FCHO1: variants seen among roughly 807,000 people sequenced by gnomAD.
FCHO1 encodes F-BAR domain only protein 1.
FCHO1 carries 45 observed loss-of-function variants against 114.4 expected under a neutral mutation model. That is an observed-to-expected ratio of 0.39 (90% CI 0.31 to 0.50). The LOEUF (loss-of-function observed/expected upper bound fraction) is 0.50. FCHO1 is among the 20% of genes least tolerant of loss of function. The probability of loss-of-function intolerance (pLI) is 0.77; values close to 1 mark genes in which losing one functional copy is unlikely to be tolerated. For synonymous variants in FCHO1, 480 were observed against 488.9 expected (o/e 0.98, Z 0.24); for missense variants, 1,042 against 1,209.6 (o/e 0.86, Z 2.06).
Position 17,776,513 on chromosome 19 carries a change from T to C in FCHO1, c.1208-122T>C. ...GCTTAGGCTTGAATCCATGTCTGCCTGATTTGCTGATCACCTTGGGCAACT... is the reference window on the plus strand; with the variant it reads ...GCTTAGGCTTGAATCCATGTCTGCCCGATTTGCTGATCACCTTGGGCAACT... On this transcript the variant is annotated intron_variant, in intron 17 of 28. Coordinates refer to ENST00000596536, the MANE Select transcript of FCHO1 (RefSeq NM_015122.3). This position sits in a 1 kb window ranked among gnomAD's most constrained non-coding sequence, Gnocchi z 4.4. 8.5e-7 allele frequency: 1 copy of C among 1,175,852 alleles called. No individual in the cohort carries two copies. Among genetic ancestry groups the C allele is most frequent in the Non-Finnish European group, 1.3e-6 (1 of 790,308 alleles). 72.8% of individuals were successfully genotyped at this position (1,175,852 alleles called of 1,614,324 possible). A position where few individuals can be genotyped will look rare whatever the true frequency, so the allele number is the denominator to read the frequency against.
rs756896191 is a variant in FCHO1, at chr19:17,784,238, G to A, written c.2226+3G>A. 1.3e-6 allele frequency: 2 copies of A among 1,598,486 alleles called. No individual in the cohort carries two copies. The highest frequency in any genetic ancestry group is 1.7e-6 in the Non-Finnish European group (2 of 1,172,862). On this transcript the variant is annotated splice_donor_region_variant and intron_variant, in intron 25 of 28. Coordinates refer to ENST00000596536, the MANE Select transcript of FCHO1 (RefSeq NM_015122.3). This position sits in a 1 kb window ranked among gnomAD's most constrained non-coding sequence, Gnocchi z 5.3. ...ACGTGGTGCTGCTGCGATACCAGGT[G>A]CGCCACCCGCATGGGGCCGGGAGGA...
At chr19:17,782,499 CA>C (rs1457602292) in intron 23 of FCHO1, among the ~76,000 whole-genome samples, 6 of 152,138 alleles carry the variant, frequency 3.9e-5, no homozygotes, top group Non-Finnish European at 7.3e-5. Context: ...CCACTGTGCC[CA>C]GCCATAGGAG....
intron 11 of FCHO1, 114 bp downstream of exon 11, chr19:17,772,855 G>A (rs1431522412): frequency 2.8e-6 from 2 of 726,044 alleles, no homozygotes; most frequent in Non-Finnish European, 4.5e-6. Context: ...TAGAGACGAG[G>A]TTTCACCATG....
In FCHO1 at chr19:17,781,689, C is replaced by T. The variant is rs2093425292; in HGVS notation, c.1829-23C>T. On this transcript the variant is annotated intron_variant, in intron 22 of 28. Coordinates refer to ENST00000596536, the MANE Select transcript of FCHO1 (RefSeq NM_015122.3). ...TTCACACTGTCTATCCGTTGTTCCCCATTCCCTCTCCACCACCCCCAGGAG... is the reference window on the plus strand; with the variant it reads ...TTCACACTGTCTATCCGTTGTTCCCTATTCCCTCTCCACCACCCCCAGGAG... 2.5e-6 allele frequency: 4 copies of T among 1,576,414 alleles called. No individual in the cohort carries two copies. In the East Asian group the frequency reaches 6.7e-5, roughly 26 times the overall value.
Position 17,778,769 on chromosome 19 carries a change from C to G in FCHO1, c.1512C>G (p.Ser504Arg). The G allele has an allele frequency of 6.5e-7, 1 of 1,538,796 alleles. No individual in the cohort carries two copies. The highest frequency in any genetic ancestry group is 2.0e-5 in the Admixed American group (1 of 51,192). ...CAGGCACCCCGCAGAGCCCGCCCAG[C>G]TGTAGGGCGCCACCCCCAGAGGCCA... ...PRPGTPQSPPSCRAPPPEARG... is the reference protein window; with the variant it reads ...PRPGTPQSPPRCRAPPPEARG... The change falls in exon 20 of 29, where the codon AGC becomes AGG. Residue 504 changes from serine (S) to arginine (R), a missense_variant. Ser to Arg is a moderately radical substitution (Grantham distance 110). Transcript: ENST00000596536.
rs887956071 is a variant in FCHO1, at chr19:17,781,647, C to G, written c.1829-65C>G. 2.6e-6 allele frequency: 4 copies of G among 1,543,748 alleles called. No individual in the cohort carries two copies. In the East Asian group the frequency reaches 9.0e-5, roughly 35 times the overall value. On this transcript the variant is annotated intron_variant, in intron 22 of 28. Transcript: ENST00000596536. Reference sequence around the variant, plus strand: ...AGGTGTGGTTGGGCGGAGGGAGTCTCGAGCCTGGAGCCTATATTCACACTG... The same window carrying G: ...AGGTGTGGTTGGGCGGAGGGAGTCTGGAGCCTGGAGCCTATATTCACACTG...
At chr19:17,770,225 C>T (rs2091066490) in intron 7 of FCHO1, among the ~76,000 whole-genome samples, 200 bp from the exon 8 acceptor site, 1 of 152,020 alleles carries the variant, frequency 6.6e-6, no homozygotes, top group Admixed American at 6.6e-5. Context: ...TGCTTGAAAC[C>T]GGGAGGCAGA....
At chr19:17,767,633 GA>G (rs2089886467) in intron 7 of FCHO1, among the ~76,000 whole-genome samples, 2 of 149,632 alleles carry the variant, frequency 1.3e-5, no homozygotes, top group South Asian at 2.1e-4. Context: ...TAAAGGGTTA[GA>G]AAAAAATCTA....
chr19:17,776,161 G>GGTGAGGC lies in FCHO1; in HGVS notation c.1182+4_1182+10dup. ...GCCTCATCCTTCCTCCTGGCCCAGG[G>GGTGAGGC]GTGAGGCGTGGGAGGGGTGCCCTGG... On this transcript the variant is annotated frameshift_variant and splice_region_variant. Coordinates refer to ENST00000596536, the MANE Select transcript of FCHO1 (RefSeq NM_015122.3). LOFTEE classifies it high-confidence loss of function. The surrounding 1 kb of genome is among the most constrained non-coding windows in gnomAD (Gnocchi z 4.4). 1 of 1,613,924 alleles carries GGTGAGGC rather than the reference G, an allele frequency of 6.2e-7. No homozygotes were observed. The highest frequency in any genetic ancestry group is 8.5e-7 in the Non-Finnish European group (1 of 1,179,902).
Position 17,787,953 on chromosome 19 carries a change from G to A in FCHO1, c.2647+107G>A, listed in dbSNP as rs187124953. ...GGTGTGGGGATCCTTGGGAAAGATA[G>A]GTGGGTGTTGGGGCCAGGAGACCCC... is the stretch of plus-strand genomic sequence containing the variant. On this transcript the variant is annotated intron_variant, in intron 28 of 28. Coordinates refer to ENST00000596536, the MANE Select transcript of FCHO1 (RefSeq NM_015122.3). 2.4e-3 allele frequency: 3,255 copies of A among 1,380,338 alleles called. 15 individuals carry two copies. Among genetic ancestry groups the A allele is most frequent in the Middle Eastern group, 0.012 (48 of 3,918 alleles). The allele number at this position is 1,380,338 out of a possible 1,614,324, so 85.5% of individuals were successfully genotyped here. A position where few individuals can be genotyped will look rare whatever the true frequency, so the allele number is the denominator to read the frequency against.
At position 17,787,697 on chromosome 19, in the gene FCHO1, C is replaced by T. The variant is rs115857705; in HGVS notation, c.2498C>T (p.Ser833Phe). The T allele has an allele frequency of 9.0e-6, 14 of 1,562,624 alleles. No homozygotes were observed. The highest frequency in any genetic ancestry group is 2.7e-5 in the African/African-American group (2 of 74,260). Reference protein sequence around the residue: ...VSEAGGSGRLSASWEPLSGPS... With the variant: ...VSEAGGSGRLFASWEPLSGPS... ...GTCTCCCCAGGTTCTGGCCGCCTCT[C>T]TGCCAGCTGGGAGCCGCTCTCAGGG... The change falls in exon 28 of 29, where the codon TCT becomes TTT. Residue 833 changes from serine (S) to phenylalanine (F), a missense_variant. Physicochemically the swap from Ser to Phe is radical, Grantham distance 155 (BLOSUM62 -2). This residue lies in a region of FCHO1 where 137 missense variants were observed against 190.0 expected (regional missense o/e 0.72). Coordinates refer to ENST00000596536, the MANE Select transcript of FCHO1 (RefSeq NM_015122.3).
chr19:17,756,161 G>A (rs1235464440), intron 4 of FCHO1, among the ~76,000 whole-genome samples: 1 of 152,170 alleles, frequency 6.6e-6, no homozygotes, highest in Non-Finnish European at 1.5e-5. Context: ...CTCCCCAGCT[G>A]GGGCTCCTCT....
At chr19:17,787,367 C>A (rs942125984) in intron 27 of FCHO1, among the ~76,000 whole-genome samples, 3 of 149,366 alleles carry the variant, frequency 2.0e-5, no homozygotes, top group Non-Finnish European at 4.4e-5. Context: ...CCTATGATTG[C>A]ACCACTATAC....
Position 17,784,300 on chromosome 19 carries a change from A to T in FCHO1, c.2226+65A>T. On this transcript the variant is annotated intron_variant, in intron 25 of 28. Transcript: ENST00000596536. The surrounding 1 kb of genome is among the most constrained non-coding windows in gnomAD (Gnocchi z 5.3). ...GGGGGACACGGTGAGCCGGCAGCAGACATGGAGGCGCCTGCGTGTTGGCCA... is the reference window on the plus strand; with the variant it reads ...GGGGGACACGGTGAGCCGGCAGCAGTCATGGAGGCGCCTGCGTGTTGGCCA... The T allele has an allele frequency of 6.5e-7, 1 of 1,533,728 alleles. No homozygotes were observed. The highest frequency in any genetic ancestry group is 2.5e-5 in the East Asian group (1 of 40,780).
In FCHO1 at chr19:17,784,621, GGGGCGGTGCGTGCAT is replaced by G. The variant is rs2093709273; in HGVS notation, c.2227-103_2227-89del. On this transcript the variant is annotated intron_variant, in intron 25 of 28. Transcript: ENST00000596536. The surrounding 1 kb of genome is among the most constrained non-coding windows in gnomAD (Gnocchi z 5.3). ...AATCTCCCTGTGACTGGACCCCCTT[GGGGCGGTGCGTGCAT>G]CGCAGGGTCAAGGTGGTTGAATAGC... is the stretch of plus-strand genomic sequence containing the variant. 1 of 1,086,008 alleles carries G rather than the reference GGGGCGGTGCGTGCAT, an allele frequency of 9.2e-7. No homozygotes were observed. Among genetic ancestry groups the G allele is most frequent in the South Asian group, 1.3e-5 (1 of 78,896 alleles). The allele number at this position is 1,086,008 out of a possible 1,614,324, so 67.3% of individuals were successfully genotyped here. A position where few individuals can be genotyped will look rare whatever the true frequency, so the allele number is the denominator to read the frequency against.
At chr19:17,768,722 A>G (rs1478474267) in intron 7 of FCHO1, among the ~76,000 whole-genome samples, 21 of 125,212 alleles carry the variant, frequency 1.7e-4, no homozygotes, top group East Asian at 1.2e-3. Flanking sequence ...AAAAAAAAAA[A>G]AGGAGAGAGA....
intron 26 of FCHO1, 52 bp from the exon 27 acceptor site, chr19:17,786,522 G>A: frequency 1.3e-6 from 2 of 1,591,556 alleles, no homozygotes; most frequent in Non-Finnish European, 1.7e-6. Context: ...AGGACCCTGG[G>A]CTCTCAGCAT....
intron 13 of FCHO1, chr19:17,774,837 CT>C: frequency 1.7e-6 from 1 of 589,186 alleles, no homozygotes. Context: ...TCCAGGATTC[CT>C]TCCCTCCCAG....
intron 13 of FCHO1, 162 bp from the exon 14 acceptor site, chr19:17,774,894 C>T (rs1296463454): frequency 1.4e-6 from 1 of 711,862 alleles, no homozygotes; most frequent in Non-Finnish European, 2.4e-6. Context: ...GATTCAACCC[C>T]CTCCCCAAGC....
Sources: gnomAD v4.1 joint callset for allele counts (sites outside exome capture counted in the v4.1 genomes callset) on GRCh38, gnomAD v4.1.1 for gene constraint, gnomAD v4.1.1 regional missense constraint, Gnocchi (gnomAD v3.1) non-coding constraint, MANE v1.5 for transcripts, NCBI Gene and HGNC (gene_info 2026-07-23, HGNC 2026-07-21) for gene names.